SLC36A2: variants seen among roughly 807,000 people sequenced by gnomAD.
SLC36A2 encodes proton-coupled amino acid transporter 2.
A neutral mutation model predicts 42.7 loss-of-function variants in SLC36A2; 39 were observed. The observed-to-expected ratio is 0.91, with a 90% CI of 0.71 to 1.19. SLC36A2 has a LOEUF of 1.19. Ranked by LOEUF, SLC36A2 falls within the 50% of genes most tolerant of loss-of-function variation. SLC36A2 has a pLI of 0.00. For synonymous variants in SLC36A2, 237 were observed against 240.8 expected (o/e 0.98, Z 0.15); for missense variants, 590 against 613.7 (o/e 0.96, Z 0.41).
Position 151,343,573 on chromosome 5 carries a change from A to G in SLC36A2, c.281T>C (p.Met94Thr), listed in dbSNP as rs1271930799. 6.2e-7 allele frequency: 1 copy of G among 1,614,212 alleles called. No homozygotes were observed. The highest frequency in any genetic ancestry group is 2.2e-5 in the East Asian group (1 of 44,880). The change falls in exon 3 of 10, where the codon ATG becomes ACG. Residue 94 changes from methionine (M) to threonine (T), a missense_variant. Physicochemically the swap from Met to Thr is moderately conservative, Grantham distance 81 (BLOSUM62 -1). Coordinates refer to ENST00000335244, the MANE Select transcript of SLC36A2 (RefSeq NM_181776.3). The part of the protein sequence containing the change: ...ILMGPLSLLV[M>T]GFIACHCMHI... Reference sequence around the variant, plus strand: ...CATACAGTGGCAGGCAATGAAGCCCATCACCAGCAGACTGAGTGGGCCCAT... The same window carrying G: ...CATACAGTGGCAGGCAATGAAGCCCGTCACCAGCAGACTGAGTGGGCCCAT...
intron 9 of SLC36A2, 138 bp downstream of exon 9, chr5:151,321,908 C>A: frequency 9.6e-7 from 1 of 1,042,532 alleles, no homozygotes; most frequent in Non-Finnish European, 1.5e-6. Context: ...AAACTCCTGA[C>A]CTCAGGTGAT....
Position 151,322,181 on chromosome 5 carries a change from C to T in SLC36A2, c.1045G>A (p.Gly349Ser), listed in dbSNP as rs376449546. Residue 349 changes from glycine to serine, a missense_variant, in exon 9 of 10, where the codon GGC (glycine) becomes AGC (serine). Coordinates refer to ENST00000335244, the MANE Select transcript of SLC36A2 (RefSeq NM_181776.3). ...TGCAGGGCATAGGTGCACAGGATGCCGGCAATGTAGAGAAGCTTGACAGAC... is the reference window on the plus strand; with the variant it reads ...TGCAGGGCATAGGTGCACAGGATGCTGGCAATGTAGAGAAGCTTGACAGAC... ...YQSVKLLYIA[G>S]ILCTYALQFY... 18 of 1,613,970 alleles carry T rather than the reference C, an allele frequency of 1.1e-5. No homozygotes were observed. Among genetic ancestry groups the T allele is most frequent in the African/African-American group, 5.3e-5 (4 of 74,916 alleles).
chr5:151,324,106 A>G (rs1755782063), intron 8 of SLC36A2, among the ~76,000 whole-genome samples: 1 of 152,182 alleles, frequency 6.6e-6, no homozygotes, highest in Admixed American at 6.5e-5. Flanking sequence ...CTAGAACATA[A>G]GACTTTTACA....
At chr5:151,336,067 G>C (rs1756147635) in intron 5 of SLC36A2, among the ~76,000 whole-genome samples, 1 of 152,066 alleles carries the variant, frequency 6.6e-6, no homozygotes, top group Non-Finnish European at 1.5e-5. Context: ...TAAATAACTG[G>C]ATTCGCAGTG....
Position 151,330,069 on chromosome 5 carries a change from C to T in SLC36A2, c.843+3155G>A, listed in dbSNP as rs185409669. ...GAACCAATGTCCTATATATGCTAAG[C>T]GATGACTATATATCAAAAAGTCTAG... On this transcript the variant is annotated intron_variant, in intron 7 of 9. Transcript: ENST00000335244. Among the ~76,000 whole-genome samples the T allele has an allele frequency of 9.9e-5, 15 of 151,856 alleles. No individual in the cohort carries two copies. The East Asian group carries it at 1.2e-3, about 12-fold the overall frequency.
intron 7 of SLC36A2, among the ~76,000 whole-genome samples, chr5:151,326,763 A>G (rs1295216285): frequency 6.6e-6 from 1 of 151,250 alleles, no homozygotes; most frequent in African/African-American, 2.4e-5. Context: ...TACATGCACT[A>G]TTTAGCTGAT....
intron 9 of SLC36A2, among the ~76,000 whole-genome samples, chr5:151,320,784 T>C (rs1755664208): frequency 6.6e-6 from 1 of 152,184 alleles, no homozygotes; most frequent in South Asian, 2.1e-4. Context: ...ATTTTAAAAA[T>C]CTGCATTTGT....
At chr5:151,321,997 A>T (rs1017672536) in intron 9 of SLC36A2, 49 bp downstream of exon 9, 67 of 1,610,130 alleles carry the variant, frequency 4.2e-5, no homozygotes, top group Non-Finnish European at 5.5e-5. Context: ...GATTCTTTAT[A>T]GCCCTCAGAA....
intron 7 of SLC36A2, among the ~76,000 whole-genome samples, chr5:151,330,552 G>C (rs1475066161): frequency 6.6e-6 from 1 of 152,324 alleles, no homozygotes; most frequent in Admixed American, 6.5e-5. Context: ...GTTAATGAAG[G>C]TTCTTCATGC....
chr5:151,316,711 G>A lies in SLC36A2; in HGVS notation c.*106C>T. ...GCTGAGATCGCATCATTGTACTCCA[G>A]TCTGGGCAACAAGACAGAAACTCCG... On this transcript the variant is annotated 3_prime_UTR_variant, in exon 10 of 10. Transcript: ENST00000335244. The A allele has an allele frequency of 1.5e-6, 2 of 1,367,928 alleles. No homozygotes were observed. Among genetic ancestry groups the A allele is most frequent in the Non-Finnish European group, 1.9e-6 (2 of 1,025,872 alleles). The allele number at this position is 1,367,928 out of a possible 1,614,324, so 84.7% of individuals were successfully genotyped here. A position where few individuals can be genotyped will look rare whatever the true frequency, so the allele number is the denominator to read the frequency against.
At chr5:151,326,067 A>G (rs1755843425) in intron 7 of SLC36A2, among the ~76,000 whole-genome samples, 1 of 152,178 alleles carries the variant, frequency 6.6e-6, no homozygotes, top group Non-Finnish European at 1.5e-5. Flanking sequence ...GGAGGAAAAA[A>G]GGTAGGAAGA....
chr5:151,327,450 C>T (rs1755885113), intron 7 of SLC36A2, among the ~76,000 whole-genome samples: 2 of 152,282 alleles, frequency 1.3e-5, no homozygotes, highest in Non-Finnish European at 2.9e-5. Flanking sequence ...TCTTTTCTGT[C>T]GTACATGCAA....
intron 9 of SLC36A2, among the ~76,000 whole-genome samples, chr5:151,320,356 C>T (rs1378990275): frequency 2.7e-5 from 4 of 150,234 alleles, no homozygotes; most frequent in Non-Finnish European, 4.4e-5. Context: ...TGTTATTACT[C>T]GGTGTACTGA....
intron 9 of SLC36A2, among the ~76,000 whole-genome samples, chr5:151,317,573 A>G (rs1023735943): frequency 6.6e-6 from 1 of 152,134 alleles, no homozygotes; most frequent in Non-Finnish European, 1.5e-5. Flanking sequence ...TAGAAGTTAC[A>G]TATTAAAAAT....
chr5:151,325,576 C>G, intron 7 of SLC36A2, 124 bp from the exon 8 acceptor site: 1 of 1,030,548 alleles, frequency 9.7e-7, no homozygotes, highest in Non-Finnish European at 1.5e-6. Flanking sequence ...TATTTGTACA[C>G]TTATGTTCAC....
rs996008264 is a variant in SLC36A2 at position 151,335,653 on chromosome 5, G to C, written c.526-106C>G. ...TCAAATTCCCTCACAGTGAATGGGA[G>C]TGTCCCACAGTGCCAAATCTCACGG... On this transcript the variant is annotated intron_variant, in intron 5 of 9. Transcript: ENST00000335244. The C allele has an allele frequency of 1.6e-5, 13 of 827,926 alleles. No homozygotes were observed. In the Admixed American group the frequency reaches 2.1e-4, roughly 14 times the overall value. The allele number at this position is 827,926 out of a possible 1,614,324, so 51.3% of individuals were successfully genotyped here. A position where few individuals can be genotyped will look rare whatever the true frequency, so the allele number is the denominator to read the frequency against.
intron 9 of SLC36A2, among the ~76,000 whole-genome samples, chr5:151,318,470 T>TAATA (rs1755574372): frequency 7.3e-6 from 1 of 137,524 alleles, no homozygotes; most frequent in East Asian, 2.0e-4. Flanking sequence ...TATATATAAA[T>TAATA]AAAATATATT....
chr5:151,329,261 T>G (rs1007955914), intron 7 of SLC36A2, among the ~76,000 whole-genome samples: 1 of 152,164 alleles, frequency 6.6e-6, no homozygotes, highest in Non-Finnish European at 1.5e-5. Context: ...GAAAACTAAC[T>G]GGATATTGGA....
chr5:151,325,458 G>A lies in SLC36A2; in HGVS notation c.844-6C>T. 6.2e-7 allele frequency: 1 copy of A among 1,613,938 alleles called. No homozygotes were observed. Among genetic ancestry groups the A allele is most frequent in the Non-Finnish European group, 8.5e-7 (1 of 1,179,994 alleles). On this transcript the variant is annotated splice_polypyrimidine_tract_variant and splice_region_variant and intron_variant, in intron 7 of 9. Transcript: ENST00000335244. Reference sequence around the variant, plus strand: ...TTGTTTTCCAGAGGCAGAACCTACAGAAACATCACAATGTAAGAAGGAGAA... The same window carrying A: ...TTGTTTTCCAGAGGCAGAACCTACAAAAACATCACAATGTAAGAAGGAGAA...
Sources: allele counts gnomAD v4.1 joint callset (sites outside exome capture counted in the v4.1 genomes callset), GRCh38; gene constraint gnomAD v4.1.1; transcripts MANE v1.5; gene names NCBI Gene and HGNC (gene_info 2026-07-23, HGNC 2026-07-21).